The following DNAJC3 variants were observed in gnomAD, a reference collection of about 807,000 sequenced individuals.
DNAJC3 encodes the protein DnaJ heat shock protein family (Hsp40) member C3.
In DNAJC3, 38 loss-of-function variants were observed where a neutral mutation model predicts 68.6. That is an observed-to-expected ratio of 0.55 (90% confidence interval 0.43 to 0.73). The LOEUF (loss-of-function observed/expected upper bound fraction) is 0.73, where lower values mean the gene tolerates loss of function less well. DNAJC3 is among the 30% of genes least tolerant of loss of function. The pLI is 0.00. For synonymous variants in DNAJC3, 203 were observed against 204.0 expected (o/e 1.00, Z 0.04); for missense variants, 526 against 591.9 (o/e 0.89, Z 1.16).
chr13:95,763,553 A>T, intron 7 of DNAJC3, 90 bp from the exon 8 acceptor site: 1 of 1,239,698 alleles, frequency 8.1e-7, no homozygotes, highest in Non-Finnish European at 1.1e-6. Context: ...TGGATTGATT[A>T]AGCAACACAT....
chr13:95,734,990 G>T (rs7327361), intron 4 of DNAJC3, among the ~76,000 whole-genome samples: 91,726 of 126,460 alleles, frequency 0.73, 33,863 homozygotes, highest in African/African-American at 0.93. Context: ...CCCACAACAG[G>T]CCCCAGAGTG....
Position 95,690,591 on chromosome 13 carries a change from C to T in DNAJC3, c.82+13254C>T, listed in dbSNP as rs1338326196. Among the ~76,000 whole-genome samples, 672 of 149,774 alleles carry T rather than the reference C, an allele frequency of 4.5e-3. 3 individuals carry two copies. Among genetic ancestry groups the T allele is most frequent in the African/African-American group, 0.016 (638 of 40,696 alleles). On this transcript the variant is annotated intron_variant, in intron 1 of 11. Transcript: ENST00000602402. ...GCAGAGGCGCCCCTCACCTCCCGGA[C>T]GGGGCGACTGGCCAGGCGGGGGGCT...
At chr13:95,689,146 C>G (rs544100691) in intron 1 of DNAJC3, among the ~76,000 whole-genome samples, 1 of 133,492 alleles carries the variant, frequency 7.5e-6, no homozygotes, top group South Asian at 2.4e-4. Context: ...TTTTTTTTTT[C>G]GGGGGGGAAT....
At chr13:95,688,875 C>T (rs934829842) in intron 1 of DNAJC3, among the ~76,000 whole-genome samples, 2 of 150,518 alleles carry the variant, frequency 1.3e-5, no homozygotes, top group African/African-American at 2.5e-5. Context: ...CATATGTTTG[C>T]ATATGTTGAA....
chr13:95,753,578 T>C (rs1455867358), intron 4 of DNAJC3, among the ~76,000 whole-genome samples: 1 of 152,212 alleles, frequency 6.6e-6, no homozygotes, highest in African/African-American at 2.4e-5. Flanking sequence ...TAGCAATTCA[T>C]TGAATATATT....
intron 1 of DNAJC3, among the ~76,000 whole-genome samples, chr13:95,690,574 G>A (rs1187422599): frequency 7.3e-5 from 11 of 150,150 alleles, no homozygotes; most frequent in Admixed American, 1.3e-4. Flanking sequence ...GGGCAGAGGC[G>A]CCCCTCACCT....
At chr13:95,692,098 A>G (rs866786741) in intron 1 of DNAJC3, among the ~76,000 whole-genome samples, 1 of 146,592 alleles carries the variant, frequency 6.8e-6, no homozygotes, top group Middle Eastern at 3.5e-3. Flanking sequence ...GACCGTGGAA[A>G]GAGAGGGAGA....
chr13:95,760,278 C>T, intron 6 of DNAJC3, 57 bp downstream of exon 6: 1 of 1,371,938 alleles, frequency 7.3e-7, no homozygotes, highest in Non-Finnish European at 9.6e-7. Flanking sequence ...GTAAGATTAC[C>T]TCATCTTGTT....
In DNAJC3 at chr13:95,688,927, G is replaced by GGTTTGTGT. The variant is rs762986419; in HGVS notation, c.82+11592_82+11593insTTGTGTGT. Among the ~76,000 whole-genome samples, 679 of 129,750 alleles carry GGTTTGTGT rather than the reference G, an allele frequency of 5.2e-3. 7 individuals carry two copies. The highest frequency in any genetic ancestry group is 0.02 in the African/African-American group (651 of 32,586). The allele number at this position is 129,750 out of a possible 152,430, so 85.1% of individuals were successfully genotyped here. A position where few individuals can be genotyped will look rare whatever the true frequency, so the allele number is the denominator to read the frequency against. ...GAGACAAAGCCCATTTGATTGTGTGGGTGTGTGTGTGTGTGTGTGTGTGTG... is the reference window on the plus strand; with the variant it reads ...GAGACAAAGCCCATTTGATTGTGTGGGTTTGTGTGTGTGTGTGTGTGTGTGTGTGTGTG... On this transcript the variant is annotated intron_variant, in intron 1 of 11. Transcript: ENST00000602402.
intron 9 of DNAJC3, among the ~76,000 whole-genome samples, chr13:95,773,324 C>T (rs1319903226): frequency 6.6e-6 from 1 of 151,706 alleles, no homozygotes; most frequent in Non-Finnish European, 1.5e-5. Context: ...GTGCATGCCA[C>T]CACACCTGGC....
chr13:95,769,610 G>A (rs964675292), intron 9 of DNAJC3, among the ~76,000 whole-genome samples: 1 of 152,182 alleles, frequency 6.6e-6, no homozygotes, highest in African/African-American at 2.4e-5. Context: ...CAGGTGGTTA[G>A]AATAAATGGC....
chr13:95,754,544 A>T (rs1882591962), intron 4 of DNAJC3, among the ~76,000 whole-genome samples: 1 of 148,764 alleles, frequency 6.7e-6, no homozygotes, highest in Non-Finnish European at 1.5e-5. Flanking sequence ...ATTTAAATGT[A>T]AAAAAAAAAG....
chr13:95,721,056 C>G (rs1342267290), intron 2 of DNAJC3, among the ~76,000 whole-genome samples: 1 of 152,126 alleles, frequency 6.6e-6, no homozygotes, highest in Non-Finnish European at 1.5e-5. Flanking sequence ...CATTAGGGCC[C>G]TATTCCTAAC....
chr13:95,756,815 T>A (rs1417272837), intron 4 of DNAJC3, among the ~76,000 whole-genome samples: 2 of 152,126 alleles, frequency 1.3e-5, no homozygotes, highest in Non-Finnish European at 2.9e-5. Context: ...CTGAGATAAT[T>A]ATTTTTTGTC....
intron 2 of DNAJC3, among the ~76,000 whole-genome samples, chr13:95,711,754 A>G (rs1234017279): frequency 2.0e-5 from 3 of 152,372 alleles, no homozygotes; most frequent in East Asian, 1.9e-4. Flanking sequence ...TAACAAATTT[A>G]TAATTACAGT....
intron 4 of DNAJC3, 78 bp from the exon 5 acceptor site, chr13:95,757,566 T>C (rs568571466): frequency 7.5e-7 from 1 of 1,335,192 alleles, no homozygotes; most frequent in East Asian, 2.4e-5. Flanking sequence ...GTATTTGGAA[T>C]GGTTTACCCT....
At chr13:95,783,189 T>C (rs1013673657) in intron 9 of DNAJC3, among the ~76,000 whole-genome samples, 1 of 152,228 alleles carries the variant, frequency 6.6e-6, no homozygotes, top group African/African-American at 2.4e-5. Flanking sequence ...TGTCTAGTTA[T>C]ATCTGTGGGA....
At chr13:95,688,670 G>T (rs889038405) in intron 1 of DNAJC3, among the ~76,000 whole-genome samples, 12 of 151,948 alleles carry the variant, frequency 7.9e-5, no homozygotes, top group Admixed American at 5.9e-4. Context: ...GCATCACCAT[G>T]CCTGGCTACT....
intron 4 of DNAJC3, among the ~76,000 whole-genome samples, chr13:95,727,443 G>C (rs190690348): frequency 1.2e-4 from 18 of 152,142 alleles, no homozygotes; most frequent in African/African-American, 4.3e-4. Flanking sequence ...CTTGTAGAGT[G>C]TTCTTAAAGC....
Sources: gnomAD v4.1 joint callset for allele counts (sites outside exome capture counted in the v4.1 genomes callset) on GRCh38, gnomAD v4.1.1 for gene constraint, MANE v1.5 for transcripts, NCBI Gene and HGNC (gene_info 2026-07-23, HGNC 2026-07-21) for gene names.